Variants in NSMCE2 observed in about 807,000 individuals in gnomAD.
NSMCE2 encodes the protein NSE2 SUMO ligase component of SMC5/6 complex, also known as E3 SUMO-protein ligase NSE2.
In NSMCE2, 24 loss-of-function variants were observed where a neutral mutation model predicts 23.8. The ratio of observed to expected loss-of-function variants is 1.01; its 90% CI spans 0.73 to 1.42. The LOEUF is 1.42. NSMCE2 is among the 40% of genes most tolerant of loss of function. The probability of loss-of-function intolerance (pLI) is 0.00; values close to 1 mark genes in which losing one functional copy is unlikely to be tolerated. For synonymous variants in NSMCE2, 92 were observed against 94.1 expected (o/e 0.98, Z 0.13); for missense variants, 284 against 296.5 (o/e 0.96, Z 0.31).
At chr8:125,324,314 A>T (rs1246562813) in intron 5 of NSMCE2, among the ~76,000 whole-genome samples, 1 of 152,162 alleles carries the variant, frequency 6.6e-6, no homozygotes, top group Non-Finnish European at 1.5e-5. Flanking sequence ...TATTTATTCA[A>T]GACCATTGGA....
At position 125,298,066 on chromosome 8, in the gene NSMCE2, G is replaced by C. The variant is rs146899455; in HGVS notation, c.419-59153G>C. ...ACCTGAGATCAGAAGTTCAAGACCA[G>C]CCTGGCCAACATGGTGAAACCCCGT... is the stretch of plus-strand genomic sequence containing the variant. On this transcript the variant is annotated intron_variant, in intron 5 of 7. Coordinates refer to ENST00000287437, the MANE Select transcript of NSMCE2 (RefSeq NM_173685.4). 1.2e-4 allele frequency among the ~76,000 whole-genome samples: 19 copies of C among 152,238 alleles called. No homozygotes were observed. In the East Asian group the frequency reaches 3.7e-3, roughly 29 times the overall value.
chr8:125,320,088 A>C (rs1035874362), intron 5 of NSMCE2, among the ~76,000 whole-genome samples: 16 of 151,500 alleles, frequency 1.1e-4, no homozygotes, highest in South Asian at 2.1e-4. Flanking sequence ...CGGCAGGAAA[A>C]TCGCTTGAAC....
chr8:125,257,458 GTAAGATAAGGAT>G (rs1826483839), intron 5 of NSMCE2, among the ~76,000 whole-genome samples: 1 of 150,068 alleles, frequency 6.7e-6, no homozygotes, highest in African/African-American at 2.4e-5. Context: ...AGTCAGTCCA[GTAAGATAAGGAT>G]TGAGGAAGGG....
intron 7 of NSMCE2, among the ~76,000 whole-genome samples, chr8:125,362,270 A>G (rs1813594341): frequency 6.6e-6 from 1 of 152,238 alleles, no homozygotes; most frequent in Non-Finnish European, 1.5e-5. Flanking sequence ...GCACTGTGGC[A>G]TGATGGCCTT....
At chr8:125,232,680 C>G (rs1825377094) in intron 5 of NSMCE2, among the ~76,000 whole-genome samples, 1 of 152,116 alleles carries the variant, frequency 6.6e-6, no homozygotes, top group Admixed American at 6.5e-5. Flanking sequence ...CATTGGGCAA[C>G]TCATAGCCAA....
At chr8:125,169,384 G>T (rs1822054070) in intron 4 of NSMCE2, among the ~76,000 whole-genome samples, 1 of 152,088 alleles carries the variant, frequency 6.6e-6, no homozygotes, top group Non-Finnish European at 1.5e-5. Context: ...CTTAATGATA[G>T]ATTTGACATT....
intron 7 of NSMCE2, among the ~76,000 whole-genome samples, chr8:125,363,542 A>AGAG (rs1813651705): frequency 3.9e-5 from 4 of 103,008 alleles, no homozygotes; most frequent in African/African-American, 7.4e-5. Context: ...GAAAGAAAGA[A>AGAG]AGAGAGAGAG....
chr8:125,116,968 A>G (rs1003619934), intron 3 of NSMCE2, among the ~76,000 whole-genome samples: 1 of 149,148 alleles, frequency 6.7e-6, no homozygotes, highest in Non-Finnish European at 1.5e-5. Context: ...GCTCATTGCA[A>G]CCTCCACCTC....
chr8:125,102,610 C>A, intron 3 of NSMCE2, 123 bp downstream of exon 3: 1 of 731,532 alleles, frequency 1.4e-6, no homozygotes, highest in Non-Finnish European at 2.4e-6. Flanking sequence ...CATCTGTTGT[C>A]TCATTTTATT....
chr8:125,115,633 C>T (rs1387959082), intron 3 of NSMCE2, among the ~76,000 whole-genome samples: 1 of 152,120 alleles, frequency 6.6e-6, no homozygotes, highest in Non-Finnish European at 1.5e-5. Context: ...TGTGTGTAAT[C>T]CCAGCTACTT....
intron 3 of NSMCE2, among the ~76,000 whole-genome samples, chr8:125,134,551 G>A (rs931607749): frequency 3.3e-5 from 5 of 151,902 alleles, no homozygotes; most frequent in African/African-American, 1.2e-4. Context: ...TGCTTATTTG[G>A]CATTTACCTC....
intron 5 of NSMCE2, 89 bp from the exon 6 acceptor site, chr8:125,357,130 C>T (rs1813314318): frequency 1.2e-6 from 1 of 829,564 alleles, no homozygotes; most frequent in Non-Finnish European, 2.0e-6. Context: ...AAATGCTCCC[C>T]CAGAAACTCT....
chr8:125,220,207 G>A (rs1824789310), intron 5 of NSMCE2, among the ~76,000 whole-genome samples: 1 of 152,180 alleles, frequency 6.6e-6, no homozygotes, highest in East Asian at 1.9e-4. Flanking sequence ...AGAAATGGCT[G>A]AGAATCTAAA....
chr8:125,273,406 G>A (rs748350505), intron 5 of NSMCE2, among the ~76,000 whole-genome samples: 3 of 152,150 alleles, frequency 2.0e-5, no homozygotes, highest in Admixed American at 2.0e-4. Flanking sequence ...AACAGTGTGC[G>A]GTAACTATGG....
chr8:125,214,908 A>G (rs1319257665), intron 5 of NSMCE2, among the ~76,000 whole-genome samples: 3 of 152,182 alleles, frequency 2.0e-5, no homozygotes, highest in Admixed American at 2.0e-4. Context: ...CTGATGTGCA[A>G]CCATCACCAT....
intron 5 of NSMCE2, among the ~76,000 whole-genome samples, chr8:125,203,685 G>A (rs891413951): frequency 6.6e-6 from 1 of 152,128 alleles, no homozygotes; most frequent in African/African-American, 2.4e-5. Flanking sequence ...CACTAGGAAT[G>A]TAAGTAAGTA....
intron 3 of NSMCE2, among the ~76,000 whole-genome samples, chr8:125,132,407 A>C (rs1263555480): frequency 1.3e-5 from 2 of 152,152 alleles, no homozygotes; most frequent in Non-Finnish European, 2.9e-5. Flanking sequence ...TTCTGTGTTC[A>C]GCTCTCTAGG....
chr8:125,332,411 TA>T (rs1829914578), intron 5 of NSMCE2, among the ~76,000 whole-genome samples: 1 of 152,230 alleles, frequency 6.6e-6, no homozygotes, highest in East Asian at 1.9e-4. Flanking sequence ...TGGGCTTGGC[TA>T]GCTCTGTGAA....
At chr8:125,198,612 A>G (rs1236368387) in intron 5 of NSMCE2, among the ~76,000 whole-genome samples, 1 of 152,046 alleles carries the variant, frequency 6.6e-6, no homozygotes, top group African/African-American at 2.4e-5. Context: ...GAGGATTTTC[A>G]CATCGATGTT....
Sources: allele counts gnomAD v4.1 joint callset (sites outside exome capture counted in the v4.1 genomes callset), GRCh38; gene constraint gnomAD v4.1.1; transcripts MANE v1.5; gene names NCBI Gene and HGNC (gene_info 2026-07-23, HGNC 2026-07-21).